GLG1: variants seen among roughly 807,000 people sequenced by gnomAD.
GLG1 encodes the protein Golgi apparatus protein 1.
Under a neutral mutation model 160.5 loss-of-function variants are expected in GLG1, and 38 were observed. That is an observed-to-expected ratio of 0.24 (90% CI 0.18 to 0.31). The LOEUF is 0.31. Among genes scored for constraint, GLG1 ranks in the 10% least tolerant of loss-of-function variants. The pLI, the probability that GLG1 is intolerant of heterozygous loss-of-function variation, is 1.00. For synonymous variants in GLG1, 644 were observed against 543.4 expected (o/e 1.19, Z -2.57); for missense variants, 1,373 against 1,505.2 (o/e 0.91, Z 1.45).
In GLG1 at chr16:74,471,198, G is replaced by T. The variant is rs138106842; in HGVS notation, c.2204C>A (p.Ala735Asp). The T allele has an allele frequency of 2.5e-6, 4 of 1,607,186 alleles. No individual in the cohort carries two copies. The highest frequency in any genetic ancestry group is 3.4e-6 in the Non-Finnish European group (4 of 1,173,788). ...KHQKDMNEKCAIGVTHFQLVQ... is the reference protein window; with the variant it reads ...KHQKDMNEKCDIGVTHFQLVQ... ...CAGCTGGAAGTGGGTAACTCCGATG[G>T]CACACTTCTCGTTCATGTCCTTCTG... Residue 735 changes from alanine to aspartate, a missense_variant, in exon 15 of 26, where the codon GCC (alanine) becomes GAC (aspartate). By Grantham distance (126) the Ala-to-Asp change is moderately radical (BLOSUM62 -2). This residue lies in a region of GLG1 where 491 missense variants were observed against 632.1 expected (regional missense o/e 0.78). Transcript: ENST00000422840.
At chr16:74,579,268 G>A (rs1284008362) in intron 1 of GLG1, among the ~76,000 whole-genome samples, 1 of 152,120 alleles carries the variant, frequency 6.6e-6, no homozygotes, top group Admixed American at 6.6e-5. Flanking sequence ...AATTAGCCAG[G>A]TGTGGTGGCA....
chr16:74,515,810 C>T (rs1028115823), intron 2 of GLG1, among the ~76,000 whole-genome samples: 1 of 151,586 alleles, frequency 6.6e-6, no homozygotes, highest in South Asian at 2.1e-4. Flanking sequence ...ACCCCTCTCA[C>T]GTGCAGAGAC....
intron 1 of GLG1, among the ~76,000 whole-genome samples, chr16:74,595,042 G>C (rs1258925403): frequency 1.3e-5 from 2 of 151,666 alleles, no homozygotes; most frequent in South Asian, 4.2e-4. Flanking sequence ...CAAAAAATTA[G>C]CTCGGCGTGG....
chr16:74,492,360 T>C lies in GLG1; in HGVS notation c.1234+597A>G, dbSNP rs373709043. 1.1e-4 allele frequency among the ~76,000 whole-genome samples: 16 copies of C among 142,412 alleles called. No homozygotes were observed. The East Asian group carries it at 1.7e-3, about 15-fold the overall frequency. 93.4% of individuals were successfully genotyped at this position (142,412 alleles called of 152,430 possible). A position where few individuals can be genotyped will look rare whatever the true frequency, so the allele number is the denominator to read the frequency against. On this transcript the variant is annotated intron_variant, in intron 7 of 25. Coordinates refer to ENST00000422840, the MANE Select transcript of GLG1 (RefSeq NM_001145667.2). ...ACAGCCTGGTGACAAAGCGAGACTCTGTCTCAAAAAAAAAAAAAAGAAAAG... is the reference window on the plus strand; with the variant it reads ...ACAGCCTGGTGACAAAGCGAGACTCCGTCTCAAAAAAAAAAAAAAGAAAAG...
intron 7 of GLG1, among the ~76,000 whole-genome samples, chr16:74,491,764 A>C (rs1460600263): frequency 6.8e-6 from 1 of 147,420 alleles, no homozygotes; most frequent in African/African-American, 2.5e-5. Flanking sequence ...CAGCCTCTCC[A>C]AGTAGCTGGG....
intron 1 of GLG1, among the ~76,000 whole-genome samples, chr16:74,559,435 T>C (rs1299351501): frequency 7.0e-6 from 1 of 143,020 alleles, no homozygotes; most frequent in African/African-American, 2.6e-5. Context: ...CAGAGGGAGA[T>C]CCTGTCTCTA....
At chr16:74,515,018 T>C (rs201186710) in intron 2 of GLG1, among the ~76,000 whole-genome samples, 2,034 of 150,510 alleles carry the variant, frequency 0.014, 32 homozygotes, top group African/African-American at 0.047. Flanking sequence ...AAAACAGACT[T>C]TAAACCAACA....
At chr16:74,492,617 G>T (rs139420382) in intron 7 of GLG1, among the ~76,000 whole-genome samples, 1 of 151,520 alleles carries the variant, frequency 6.6e-6, no homozygotes, top group Non-Finnish European at 1.5e-5. Context: ...TTGGGAGTTC[G>T]AGACCAGCCT....
intron 1 of GLG1, among the ~76,000 whole-genome samples, chr16:74,565,915 C>A (rs1387764719): frequency 6.6e-6 from 1 of 152,206 alleles, no homozygotes; most frequent in Non-Finnish European, 1.5e-5. Context: ...GTTACAGGAT[C>A]CCATCCAGGA....
At chr16:74,584,973 T>C (rs1455991001) in intron 1 of GLG1, among the ~76,000 whole-genome samples, 3 of 152,010 alleles carry the variant, frequency 2.0e-5, no homozygotes, top group Non-Finnish European at 4.4e-5. Flanking sequence ...GCTCGAGTAA[T>C]GGGTGGACCA....
chr16:74,463,449 T>A lies in GLG1; in HGVS notation c.2698A>T (p.Met900Leu). Reference protein sequence around the residue: ...RFCPEADSKTMLQCLKQNKNS... With the variant: ...RFCPEADSKTLLQCLKQNKNS... ...TTATTTTGCTTCAAGCACTGCAACATGGTTTTAGAATCTGCTTCCGGACAG... is the reference window on the plus strand; with the variant it reads ...TTATTTTGCTTCAAGCACTGCAACAAGGTTTTAGAATCTGCTTCCGGACAG... Residue 900 changes from methionine (M) to leucine (L), a missense_variant, in exon 20 of 26, where the codon ATG (methionine) becomes TTG (leucine). Physicochemically the swap from Met to Leu is conservative, Grantham distance 15. Coordinates refer to ENST00000422840, the MANE Select transcript of GLG1 (RefSeq NM_001145667.2). The A allele has an allele frequency of 6.2e-7, 1 of 1,613,940 alleles. No homozygotes were observed. Among genetic ancestry groups the A allele is most frequent in the Middle Eastern group, 1.6e-4 (1 of 6,062 alleles).
In GLG1 at chr16:74,564,997, C is replaced by A. The variant is rs557804419; in HGVS notation, c.439-32844G>T. Among the ~76,000 whole-genome samples, 4 of 152,270 alleles carry A rather than the reference C, an allele frequency of 2.6e-5. No individual in the cohort carries two copies. The South Asian group carries it at 6.2e-4, about 24-fold the overall frequency. ...AGTTGGATTTGAGATCAAATAAGTA[C>A]ATTTATGGATGCCTAAAGTTTTGTC... is the stretch of plus-strand genomic sequence containing the variant. On this transcript the variant is annotated intron_variant, in intron 1 of 25. Transcript: ENST00000422840.
At chr16:74,590,347 A>G (rs8056788) in intron 1 of GLG1, among the ~76,000 whole-genome samples, 110,992 of 151,704 alleles carry the variant, frequency 0.73, 41,104 homozygotes, top group African/African-American at 0.84. Flanking sequence ...GCCAGGTGCC[A>G]TGGCTCACGC....
At chr16:74,456,044 C>T (rs935294340) in intron 25 of GLG1, among the ~76,000 whole-genome samples, 1 of 152,194 alleles carries the variant, frequency 6.6e-6, no homozygotes, top group Admixed American at 6.5e-5. Flanking sequence ...TCATCCCCTT[C>T]TTCTCCATGT....
At chr16:74,456,467 C>T (rs1204052083) in intron 25 of GLG1, 182 bp downstream of exon 25, 5 of 571,738 alleles carry the variant, frequency 8.7e-6, no homozygotes, top group Admixed American at 3.4e-5. Context: ...GCCCTGACCA[C>T]GTTTTCAAAC....
At chr16:74,574,405 C>A (rs1260608301) in intron 1 of GLG1, among the ~76,000 whole-genome samples, 1 of 152,134 alleles carries the variant, frequency 6.6e-6, no homozygotes, top group Admixed American at 6.5e-5. Flanking sequence ...AGGGATACTG[C>A]ATTACTCAAA....
intron 1 of GLG1, among the ~76,000 whole-genome samples, chr16:74,543,832 C>T (rs1046324310): frequency 6.6e-6 from 1 of 152,040 alleles, no homozygotes; most frequent in Non-Finnish European, 1.5e-5. Flanking sequence ...GCTGATGGTA[C>T]TCCACCTGAG....
At chr16:74,534,813 A>G (rs2017643021) in intron 1 of GLG1, among the ~76,000 whole-genome samples, 1 of 152,224 alleles carries the variant, frequency 6.6e-6, no homozygotes, top group African/African-American at 2.4e-5. Context: ...ACTGCAGTCC[A>G]CATTTGCAGT....
chr16:74,541,632 A>G (rs1205129941), intron 1 of GLG1, among the ~76,000 whole-genome samples: 1 of 152,222 alleles, frequency 6.6e-6, no homozygotes, highest in East Asian at 1.9e-4. Context: ...AATATTATAG[A>G]AGGCTTTGCA....
Sources: gnomAD v4.1 joint callset for allele counts (sites outside exome capture counted in the v4.1 genomes callset) on GRCh38, gnomAD v4.1.1 for gene constraint, gnomAD v4.1.1 regional missense constraint, MANE v1.5 for transcripts, NCBI Gene and HGNC (gene_info 2026-07-23, HGNC 2026-07-21) for gene names.